The following NHSL3 variants were observed in gnomAD, a reference collection of about 807,000 sequenced individuals.
NHSL3 encodes the protein NHS-like protein 3.
the NHSL3 span, among the ~76,000 whole-genome samples, chr1:32,757,186 C>T: frequency 6.6e-6 from 1 of 152,138 alleles, no homozygotes; most frequent in Admixed American, 6.5e-5. Flanking sequence ...AGTATAAGTA[C>T]TCATTTCATT....
chr1:32,753,123 C>G, the NHSL3 span, among the ~76,000 whole-genome samples: 1 of 151,430 alleles, frequency 6.6e-6, no homozygotes, highest in African/African-American at 2.4e-5. Flanking sequence ...CATGTGCCAC[C>G]AAGCCTGGCT....
At chr1:32,753,431 G>A in the NHSL3 span, among the ~76,000 whole-genome samples, 41 of 151,978 alleles carry the variant, frequency 2.7e-4, no homozygotes, top group Non-Finnish European at 5.4e-4. Flanking sequence ...GTTGCAGTGA[G>A]CCGAGAGCGT....
chr1:32,756,834 T>A, the NHSL3 span, among the ~76,000 whole-genome samples: 1 of 151,870 alleles, frequency 6.6e-6, no homozygotes, highest in Admixed American at 6.6e-5. Flanking sequence ...CCAGGCGTGG[T>A]GGTGGGCACC....
chr1:32,751,317 C>T, the NHSL3 span, among the ~76,000 whole-genome samples: 240 of 152,324 alleles, frequency 1.6e-3, 2 homozygotes, highest in African/African-American at 5.6e-3. Flanking sequence ...TATGCGCTAT[C>T]ATCACTACCT....
chr1:32,755,369 C>T, the NHSL3 span, among the ~76,000 whole-genome samples: 16 of 152,284 alleles, frequency 1.1e-4, no homozygotes, highest in African/African-American at 3.6e-4. Flanking sequence ...GGTGTATTCC[C>T]AGGATGGCCC....
chr1:32,771,340 C>T, the NHSL3 span: 2 of 1,593,590 alleles, frequency 1.3e-6, no homozygotes, highest in Non-Finnish European at 1.7e-6. Flanking sequence ...GCAGGAGTCT[C>T]CTGTCATCTC....
the NHSL3 span, among the ~76,000 whole-genome samples, chr1:32,755,151 C>T: frequency 6.6e-6 from 1 of 152,344 alleles, no homozygotes; most frequent in Non-Finnish European, 1.5e-5. Flanking sequence ...CCCCGAGGGG[C>T]GCTGAAGGAG....
At chr1:32,758,206 C>G in the NHSL3 span, among the ~76,000 whole-genome samples, 2 of 152,158 alleles carry the variant, frequency 1.3e-5, no homozygotes, top group African/African-American at 4.8e-5. Flanking sequence ...AGCACTCGGT[C>G]CTGGGTAGGT....
At chr1:32,770,317 TGCA>T in the NHSL3 span, 1 of 1,612,454 alleles carries the variant, frequency 6.2e-7, no homozygotes. This position sits in a 1 kb window ranked among gnomAD's most constrained non-coding sequence, Gnocchi z 8.3. Flanking sequence ...ACTAAGCCGC[TGCA>T]GCCTGCACTC....
chr1:32,744,390 CTG>C, the NHSL3 span, among the ~76,000 whole-genome samples: 1 of 152,134 alleles, frequency 6.6e-6, no homozygotes. Context: ...ATTGATTAGT[CTG>C]AATATGTCAA....
the NHSL3 span, among the ~76,000 whole-genome samples, chr1:32,772,648 C>T: frequency 1.3e-5 from 2 of 152,240 alleles, no homozygotes; most frequent in African/African-American, 2.4e-5. Context: ...AACTTTGCCT[C>T]TTTCCCTACC....
chr1:32,751,881 C>T, the NHSL3 span, among the ~76,000 whole-genome samples: 12 of 152,138 alleles, frequency 7.9e-5, no homozygotes, highest in East Asian at 3.9e-4. Flanking sequence ...GCTCCTCCAA[C>T]GCTTCTTGTG....
At chr1:32,769,944 C>T in the NHSL3 span, 4 of 1,607,598 alleles carry the variant, frequency 2.5e-6, no homozygotes, top group Admixed American at 3.3e-5. Flanking sequence ...ATGCCGTACG[C>T]ATCCCCACAG....
At chr1:32,772,325 C>T in the NHSL3 span, 15 of 1,607,472 alleles carry the variant, frequency 9.3e-6, no homozygotes, top group Non-Finnish European at 1.1e-5. Context: ...CCCCTTACTG[C>T]TCCTCCCACC....
the NHSL3 span, chr1:32,771,540 C>T: frequency 1.2e-6 from 2 of 1,600,968 alleles, no homozygotes; most frequent in South Asian, 1.1e-5. Flanking sequence ...TGGCTGACTT[C>T]CCCCCACCAG....
chr1:32,774,920 TGAA>T, the NHSL3 span: 1 of 152,664 alleles, frequency 6.6e-6, no homozygotes, highest in East Asian at 1.9e-4. Flanking sequence ...GTGAGACACA[TGAA>T]GAAAACTGTG....
the NHSL3 span, among the ~76,000 whole-genome samples, chr1:32,751,038 C>T: frequency 8.0e-5 from 12 of 149,812 alleles, 1 homozygote; most frequent in Admixed American, 1.3e-4. Flanking sequence ...CTTGAACTCC[C>T]GACCTCAGGT....
At chr1:32,750,740 T>TCA in the NHSL3 span, among the ~76,000 whole-genome samples, 1 of 152,132 alleles carries the variant, frequency 6.6e-6, no homozygotes. Context: ...ACTGCTGACC[T>TCA]TGTGATCTGC....
At chr1:32,741,969 GCC>G in the NHSL3 span, 1 of 1,119,142 alleles carries the variant, frequency 8.9e-7, no homozygotes. The surrounding 1 kb of genome is among the most constrained non-coding windows in gnomAD (Gnocchi z 4.3). Flanking sequence ...CGGCCCGCGC[GCC>G]CCCCGCCGCA....
Sources: gnomAD v4.1 joint callset for allele counts (sites outside exome capture counted in the v4.1 genomes callset) on GRCh38, gnomAD v4.1.1 for gene constraint, Gnocchi (gnomAD v3.1) non-coding constraint, MANE v1.5 for transcripts, NCBI Gene and HGNC (gene_info 2026-07-23, HGNC 2026-07-21) for gene names.